SH3GLB1: variants seen among roughly 807,000 people sequenced by gnomAD.
The protein encoded by SH3GLB1 is SH3 domain containing GRB2 like, endophilin B1, also known as endophilin-B1.
A neutral mutation model predicts 42.0 loss-of-function variants in SH3GLB1; 17 were observed. That is an observed-to-expected ratio of 0.40 (90% confidence interval 0.28 to 0.61). SH3GLB1 has a LOEUF of 0.61. Ranked by LOEUF, SH3GLB1 falls within the 20% of genes least tolerant of loss-of-function variation. The pLI, the probability that SH3GLB1 is intolerant of heterozygous loss-of-function variation, is 0.36. For missense variants in SH3GLB1, 355 were observed against 426.3 expected (o/e 0.83, Z 1.47); for synonymous variants, 132 against 146.6 (o/e 0.90, Z 0.72).
At chr1:86,726,569 C>G (rs1443532450) in intron 5 of SH3GLB1, among the ~76,000 whole-genome samples, 1 of 151,974 alleles carries the variant, frequency 6.6e-6, no homozygotes, top group African/African-American at 2.4e-5. Context: ...TTTATTTATA[C>G]ACAGCTATTC....
In SH3GLB1 at chr1:86,742,388, T is replaced by C. The variant is rs1487000049; in HGVS notation, c.942T>C (p.Tyr314=). 1.9e-6 allele frequency: 3 copies of C among 1,614,094 alleles called. No homozygotes were observed. The highest frequency in any genetic ancestry group is 3.3e-5 in the Admixed American group (2 of 60,006). ...CSGSRKARVL[Y]DYDAANSTEL... Reference sequence around the variant, plus strand: ...GCAGCAGAAAGGCCAGGGTTCTCTATGATTATGATGCAGCAAACAGTACTG... The same window carrying C: ...GCAGCAGAAAGGCCAGGGTTCTCTACGATTATGATGCAGCAAACAGTACTG... Residue 314 remains tyrosine, a synonymous_variant, in exon 8 of 9, where the codon TAT becomes TAC. Coordinates refer to ENST00000370558, the MANE Select transcript of SH3GLB1 (RefSeq NM_016009.5).
chr1:86,718,608 C>T (rs545917653), intron 2 of SH3GLB1, among the ~76,000 whole-genome samples: 4 of 152,204 alleles, frequency 2.6e-5, no homozygotes, highest in South Asian at 4.1e-4. Flanking sequence ...CTTCCGCATG[C>T]GTAGGAATCT....
At chr1:86,736,534 A>C (rs143931318) in intron 7 of SH3GLB1, among the ~76,000 whole-genome samples, 1 of 152,192 alleles carries the variant, frequency 6.6e-6, no homozygotes, top group South Asian at 2.1e-4. Flanking sequence ...TCTTCACATC[A>C]TTATAACTAT....
intron 5 of SH3GLB1, among the ~76,000 whole-genome samples, chr1:86,733,089 T>G (rs1272749341): frequency 6.6e-6 from 1 of 152,206 alleles, no homozygotes; most frequent in Non-Finnish European, 1.5e-5. Context: ...AGAACATTGC[T>G]TCTTTTTTTC....
chr1:86,724,951 TATATA>T (rs1209881797), intron 5 of SH3GLB1, among the ~76,000 whole-genome samples: 6 of 141,472 alleles, frequency 4.2e-5, no homozygotes, highest in East Asian at 2.0e-4. Context: ...ATATATAAAA[TATATA>T]ATACATATGT....
At chr1:86,731,700 A>G (rs1356473576) in intron 5 of SH3GLB1, among the ~76,000 whole-genome samples, 1 of 152,208 alleles carries the variant, frequency 6.6e-6, no homozygotes, top group Non-Finnish European at 1.5e-5. Flanking sequence ...ATATACATAT[A>G]TATAAAAATC....
intron 5 of SH3GLB1, among the ~76,000 whole-genome samples, chr1:86,726,852 A>G (rs1370956375): frequency 2.0e-5 from 3 of 151,756 alleles, no homozygotes; most frequent in Admixed American, 6.6e-5. Context: ...AAGAATCACT[A>G]GGAGTTTGCT....
chr1:86,725,011 C>T (rs1023118953), intron 5 of SH3GLB1, among the ~76,000 whole-genome samples: 38 of 143,914 alleles, frequency 2.6e-4, no homozygotes, highest in South Asian at 8.6e-4. Context: ...CACACACACA[C>T]GTGATATTTA....
intron 3 of SH3GLB1, 89 bp downstream of exon 3, chr1:86,719,724 A>G (rs932220044): frequency 9.6e-6 from 13 of 1,351,406 alleles, no homozygotes; most frequent in African/African-American, 3.0e-5. Flanking sequence ...GGCCGGGTGC[A>G]GTGGCTCACA....
intron 7 of SH3GLB1, among the ~76,000 whole-genome samples, chr1:86,738,924 G>T (rs568867452): frequency 2.6e-5 from 4 of 152,218 alleles, no homozygotes; most frequent in African/African-American, 9.6e-5. Context: ...GATTATAGGC[G>T]TGAGCCACCA....
At chr1:86,729,061 A>G (rs1247603404) in intron 5 of SH3GLB1, among the ~76,000 whole-genome samples, 2 of 152,156 alleles carry the variant, frequency 1.3e-5, no homozygotes, top group Non-Finnish European at 2.9e-5. Flanking sequence ...AGATTGTTTT[A>G]TGGTATCCAA....
At position 86,724,320 on chromosome 1, in the gene SH3GLB1, G is replaced by T; in HGVS notation, c.485G>T (p.Arg162Met). The change falls in exon 5 of 9, where the codon AGG (arginine) becomes ATG (methionine). Residue 162 changes from arginine (R) to methionine (M), a missense_variant. Physicochemically the swap from Arg to Met is moderately conservative, Grantham distance 91. Transcript: ENST00000370558. ...TCTTTTCTATATTTATAGAAAGAAA[G>T]GAAACTATTGCAAAATAAGAGACTG... ...EGDYKTIAKE[R>M]KLLQNKRLDL... 6.3e-7 allele frequency: 1 copy of T among 1,581,596 alleles called. No individual in the cohort carries two copies. The highest frequency in any genetic ancestry group is 8.5e-7 in the Non-Finnish European group (1 of 1,169,600).
rs1196905047 is a variant in SH3GLB1 at position 86,747,638 on chromosome 1, G to A, written c.*4403G>A. 2 of 152,140 alleles carry A rather than the reference G, an allele frequency of 1.3e-5. No individual in the cohort carries two copies. Among genetic ancestry groups the A allele is most frequent in the Non-Finnish European group, 2.9e-5 (2 of 68,016 alleles). 9.4% of individuals were successfully genotyped at this position (152,140 alleles called of 1,614,324 possible). A position where few individuals can be genotyped will look rare whatever the true frequency, so the allele number is the denominator to read the frequency against. ...TTGCTGTGGAAGGTTTCTAGGAATGGATTGCTTAGTCTAAAGTAAGCACTA... is the reference window on the plus strand; with the variant it reads ...TTGCTGTGGAAGGTTTCTAGGAATGAATTGCTTAGTCTAAAGTAAGCACTA... On this transcript the variant is annotated 3_prime_UTR_variant, in exon 9 of 9. Coordinates refer to ENST00000370558, the MANE Select transcript of SH3GLB1 (RefSeq NM_016009.5).
At chr1:86,710,954 CT>C (rs1166801021) in intron 1 of SH3GLB1, among the ~76,000 whole-genome samples, 1 of 152,208 alleles carries the variant, frequency 6.6e-6, no homozygotes, top group Non-Finnish European at 1.5e-5. Flanking sequence ...AATATATGAG[CT>C]ACACCCCAGT....
chr1:86,724,999 TAC>T (rs374835487), intron 5 of SH3GLB1, among the ~76,000 whole-genome samples: 3,325 of 146,262 alleles, frequency 0.023, 60 homozygotes, highest in African/African-American at 0.044. Context: ...TGTGTGTATA[TAC>T]ACACACACAC....
intron 1 of SH3GLB1, among the ~76,000 whole-genome samples, chr1:86,707,712 G>T (rs188988080): frequency 4.1e-4 from 61 of 147,516 alleles, no homozygotes; most frequent in African/African-American, 1.6e-3. Context: ...GCAATGGCGC[G>T]ATCTCAGCTC....
At position 86,735,131 on chromosome 1, in the gene SH3GLB1, A is replaced by G. The variant is rs755193646; in HGVS notation, c.713A>G (p.Tyr238Cys). ...TTTGTAGAAGCCCAGATGACTTACT[A>G]TGCACAGTGTTACCAGTATATGTTG... Reference protein sequence around the residue: ...NDFVEAQMTYYAQCYQYMLDL... With the variant: ...NDFVEAQMTYCAQCYQYMLDL... The change falls in exon 7 of 9, where the codon TAT (tyrosine) becomes TGT (cysteine). Residue 238 changes from tyrosine (Y) to cysteine (C), a missense_variant. Transcript: ENST00000370558. The G allele has an allele frequency of 2.5e-6, 4 of 1,613,022 alleles. No individual in the cohort carries two copies. In the South Asian group the frequency reaches 3.3e-5, roughly 13 times the overall value.
chr1:86,732,865 C>G (rs1457393545), intron 5 of SH3GLB1, among the ~76,000 whole-genome samples: 1 of 152,024 alleles, frequency 6.6e-6, no homozygotes, highest in Non-Finnish European at 1.5e-5. Context: ...TAGGATTTTT[C>G]TGCCATTTCT....
chr1:86,730,249 T>G, intron 5 of SH3GLB1: 2 of 1,387,002 alleles, frequency 1.4e-6, no homozygotes, highest in Non-Finnish European at 9.4e-7. Flanking sequence ...AAATGAGGGA[T>G]ATGTTCAGGT....
Sources: gnomAD v4.1 joint callset for allele counts (sites outside exome capture counted in the v4.1 genomes callset) on GRCh38, gnomAD v4.1.1 for gene constraint, MANE v1.5 for transcripts, NCBI Gene and HGNC (gene_info 2026-07-23, HGNC 2026-07-21) for gene names.